Variants in REL observed in about 807,000 individuals in gnomAD.
The protein encoded by REL is proto-oncogene c-Rel.
REL carries 15 observed loss-of-function variants against 45.9 expected under a neutral mutation model. The observed-to-expected ratio is 0.33, with a 90% CI of 0.22 to 0.50. The LOEUF (loss-of-function observed/expected upper bound fraction) is 0.50. REL is among the 20% of genes least tolerant of loss of function. The pLI is 0.98. For synonymous variants in REL, 239 were observed against 242.1 expected, an observed-to-expected ratio of 0.99 and a Z score of 0.12; for missense variants, 601 against 715.2, an observed-to-expected ratio of 0.84 and a Z score of 1.82.
In REL at chr2:60,901,806, A is replaced by G. The variant is rs544760546; in HGVS notation, c.394+723A>G. Among the ~76,000 whole-genome samples, 9 of 152,344 alleles carry G rather than the reference A, an allele frequency of 5.9e-5. 1 individual carries two copies. Among genetic ancestry groups the G allele is most frequent in the Middle Eastern group, 3.4e-3 (1 of 294 alleles). On this transcript the variant is annotated intron_variant, in intron 4 of 9. Coordinates refer to ENST00000394479, the MANE Select transcript of REL (RefSeq NM_001291746.2). Reference sequence around the variant, plus strand: ...TTAATCCCAATGTGGAAGAAGAAGCATAGAAATAATAGAAATCACACAAAG... The same window carrying G: ...TTAATCCCAATGTGGAAGAAGAAGCGTAGAAATAATAGAAATCACACAAAG...
rs1481870130 is a variant in REL at position 60,928,055 on chromosome 2, C to T, written c.*5520C>T. The stretch of plus-strand genomic sequence containing the variant: ...GGGCACTGGCATGGTGGATGGATCA[C>T]GCCTGTAATCCCAGCACTTTGGGAG... On this transcript the variant is annotated 3_prime_UTR_variant, in exon 10 of 10. Coordinates refer to ENST00000394479, the MANE Select transcript of REL (RefSeq NM_001291746.2). 1 of 195,028 alleles carries T rather than the reference C, an allele frequency of 5.1e-6. No homozygotes were observed. Among genetic ancestry groups the T allele is most frequent in the Non-Finnish European group, 1.1e-5 (1 of 93,808 alleles). The allele number at this position is 195,028 out of a possible 1,614,324, so 12.1% of individuals were successfully genotyped here. A position where few individuals can be genotyped will look rare whatever the true frequency, so the allele number is the denominator to read the frequency against.
At chr2:60,906,746 TACTC>T (rs889488463) in intron 4 of REL, among the ~76,000 whole-genome samples, 4 of 151,930 alleles carry the variant, frequency 2.6e-5, no homozygotes, top group African/African-American at 2.4e-5. Flanking sequence ...GAATTTTTCT[TACTC>T]ACCCTCCAAG....
intron 3 of REL, among the ~76,000 whole-genome samples, chr2:60,895,286 G>C (rs1452848187): frequency 6.6e-6 from 1 of 150,492 alleles, no homozygotes; most frequent in African/African-American, 2.4e-5. Context: ...AGACTCAAGT[G>C]ATCTTCAGCC....
chr2:60,899,821 TTG>T (rs1196748959), intron 3 of REL: 1 of 152,380 alleles, frequency 6.6e-6, no homozygotes, highest in African/African-American at 2.4e-5. Context: ...TTAGTAGTAT[TTG>T]TAGCTATTGG....
At position 60,924,894 on chromosome 2, in the gene REL, G is replaced by A. The variant is rs1674233263; in HGVS notation, c.*2359G>A. 1 of 213,234 alleles carries A rather than the reference G, an allele frequency of 4.7e-6. No homozygotes were observed. The highest frequency in any genetic ancestry group is 9.5e-6 in the Non-Finnish European group (1 of 105,382). 13.2% of individuals were successfully genotyped at this position (213,234 alleles called of 1,614,324 possible). A position where few individuals can be genotyped will look rare whatever the true frequency, so the allele number is the denominator to read the frequency against. ...TGCATACTTTATGTGAGTTGTTATA[G>A]CTGTAACATTACACTTTATTTGCTG... is the stretch of plus-strand genomic sequence containing the variant. On this transcript the variant is annotated 3_prime_UTR_variant, in exon 10 of 10. Coordinates refer to ENST00000394479, the MANE Select transcript of REL (RefSeq NM_001291746.2).
In REL at chr2:60,923,562, T is replaced by G. The variant is rs1328704850; in HGVS notation, c.*1027T>G. On this transcript the variant is annotated 3_prime_UTR_variant, in exon 10 of 10. Transcript: ENST00000394479. ...TCCCAAACTTGCTTCTCCTTCAGTC[T>G]TCTCCAACTCAGTAAATGGCAATGC... The G allele has an allele frequency of 3.4e-5, 8 of 232,746 alleles. No individual in the cohort carries two copies. The East Asian group carries it at 4.2e-4, about 12-fold the overall frequency. 14.4% of individuals were successfully genotyped at this position (232,746 alleles called of 1,614,324 possible). A position where few individuals can be genotyped will look rare whatever the true frequency, so the allele number is the denominator to read the frequency against.
intron 9 of REL, among the ~76,000 whole-genome samples, chr2:60,921,276 T>G (rs925552102): frequency 6.6e-6 from 1 of 152,168 alleles, no homozygotes; most frequent in Non-Finnish European, 1.5e-5. Flanking sequence ...TTTCTGACTG[T>G]GAATTTTATA....
intron 3 of REL, among the ~76,000 whole-genome samples, chr2:60,897,864 A>T (rs1277201728): frequency 7.0e-5 from 3 of 42,942 alleles, no homozygotes; most frequent in Non-Finnish European, 1.5e-4. Context: ...GTATCTCTTT[A>T]AAAAAAAAAA....
chr2:60,894,982 G>A (rs1192956029), intron 3 of REL, among the ~76,000 whole-genome samples: 3 of 149,200 alleles, frequency 2.0e-5, no homozygotes, highest in Admixed American at 6.8e-5. Flanking sequence ...TCAGCCTCCC[G>A]AGTAGCTGGG....
chr2:60,883,986 C>T (rs916361634), intron 1 of REL, among the ~76,000 whole-genome samples: 20 of 146,724 alleles, frequency 1.4e-4, no homozygotes, highest in African/African-American at 4.8e-4. Flanking sequence ...TTACAGGAAT[C>T]TGTGTACTTT....
Position 60,927,911 on chromosome 2 carries a change from C to T in REL, c.*5376C>T. ...TAAATCTATTTTCAATCTTAATGGC[C>T]TTTTAAATAACTGGGCTTCTCACAA... On this transcript the variant is annotated 3_prime_UTR_variant, in exon 10 of 10. Coordinates refer to ENST00000394479, the MANE Select transcript of REL (RefSeq NM_001291746.2). 9.0e-6 allele frequency: 2 copies of T among 222,244 alleles called. No homozygotes were observed. The highest frequency in any genetic ancestry group is 1.8e-5 in the Non-Finnish European group (2 of 111,032). The allele number at this position is 222,244 out of a possible 1,614,324, so 13.8% of individuals were successfully genotyped here.
chr2:60,884,661 A>G (rs1009935357), intron 1 of REL, among the ~76,000 whole-genome samples: 2 of 152,178 alleles, frequency 1.3e-5, no homozygotes, highest in African/African-American at 4.8e-5. Flanking sequence ...TGTGTGGCAT[A>G]TAGCTCTGTT....
intron 4 of REL, 136 bp downstream of exon 4, chr2:60,901,219 G>A (rs1232373648): frequency 1.9e-5 from 21 of 1,116,752 alleles, no homozygotes; most frequent in East Asian, 3.8e-5. Context: ...GCAATGGCGC[G>A]ATCTCAGCTC....
chr2:60,881,574 A>C lies in REL; in HGVS notation c.-267A>C, dbSNP rs371959186. On this transcript the variant is annotated 5_prime_UTR_variant, in exon 1 of 10. Coordinates refer to ENST00000394479, the MANE Select transcript of REL (RefSeq NM_001291746.2). ...CTGCTCGCCTCTCGGCTGGGCCAGC[A>C]CTCGGCTCTCCCCGCTCCGCCCCCT... is the stretch of plus-strand genomic sequence containing the variant. 6 of 473,802 alleles carry C rather than the reference A, an allele frequency of 1.3e-5. No homozygotes were observed. The East Asian group carries it at 1.5e-4, about 11-fold the overall frequency. 29.3% of individuals were successfully genotyped at this position (473,802 alleles called of 1,614,324 possible).
chr2:60,913,020 T>C (rs938409328), intron 4 of REL, among the ~76,000 whole-genome samples: 1 of 152,188 alleles, frequency 6.6e-6, no homozygotes, highest in African/African-American at 2.4e-5. Flanking sequence ...ATTTTAATCC[T>C]TGAGGTATAA....
At position 60,916,971 on chromosome 2, in the gene REL, G is replaced by A. The variant is rs1351010070; in HGVS notation, c.489G>A (p.Leu163=). 6.2e-7 allele frequency: 1 copy of A among 1,613,458 alleles called. No individual in the cohort carries two copies. The highest frequency in any genetic ancestry group is 8.5e-7 in the Non-Finnish European group (1 of 1,179,632). Residue 163 remains leucine, a synonymous_variant, in exon 5 of 10, where the codon TTG becomes TTA. Transcript: ENST00000394479. ...TTCTCCCTGATGAACATGGTAATTTGACGACTGCTCTTCCTCCTGTTGTCT... is the reference window on the plus strand; with the variant it reads ...TTCTCCCTGATGAACATGGTAATTTAACGACTGCTCTTCCTCCTGTTGTCT... ...QVFLPDEHGN[L]TTALPPVVSN...
chr2:60,905,575 C>T (rs1335273007), intron 4 of REL, among the ~76,000 whole-genome samples: 2 of 152,008 alleles, frequency 1.3e-5, no homozygotes, highest in African/African-American at 2.4e-5. Flanking sequence ...ATAACTTATC[C>T]GAGTCACATG....
At chr2:60,885,501 G>T (rs185701207) in intron 1 of REL, among the ~76,000 whole-genome samples, 1 of 152,094 alleles carries the variant, frequency 6.6e-6, no homozygotes, top group Admixed American at 6.5e-5. Context: ...TTTTTACCTT[G>T]TAGTGCATAA....
chr2:60,886,303 A>G (rs1394706006), intron 1 of REL, among the ~76,000 whole-genome samples: 1 of 152,178 alleles, frequency 6.6e-6, no homozygotes, highest in African/African-American at 2.4e-5. Flanking sequence ...ACTCTGTTCT[A>G]GGGATTTCTT....
Sources: gnomAD v4.1 joint callset for allele counts (sites outside exome capture counted in the v4.1 genomes callset) on GRCh38, gnomAD v4.1.1 for gene constraint, MANE v1.5 for transcripts, NCBI Gene and HGNC (gene_info 2026-07-23, HGNC 2026-07-21) for gene names.